The following ZNF430 variants were observed in gnomAD, a reference collection of about 807,000 sequenced individuals.
The protein encoded by ZNF430 is zinc finger protein 430.
Under a neutral mutation model 56.7 loss-of-function variants are expected in ZNF430, and 35 were observed. That is an observed-to-expected ratio of 0.62 (90% CI 0.47 to 0.82). ZNF430 has a LOEUF of 0.82. ZNF430 is among the 40% of genes least tolerant of loss of function. The pLI, the probability that ZNF430 is intolerant of heterozygous loss-of-function variation, is 0.00. For synonymous variants in ZNF430, 212 were observed against 224.3 expected, an observed-to-expected ratio of 0.94 and a Z score of 0.49; for missense variants, 574 against 661.0, an observed-to-expected ratio of 0.87 and a Z score of 1.44.
At chr19:21,032,860 A>G (rs1967928060) in intron 2 of ZNF430, among the ~76,000 whole-genome samples, 1 of 152,202 alleles carries the variant, frequency 6.6e-6, no homozygotes, top group African/African-American at 2.4e-5. Context: ...TTCGAACTCA[A>G]CATGTCTTTT....
rs1006046091 is a variant in ZNF430 at position 21,033,678 on chromosome 19, A to G, written c.223+96A>G. 5 of 1,348,626 alleles carry G rather than the reference A, an allele frequency of 3.7e-6. No individual in the cohort carries two copies. The African/African-American group carries it at 4.5e-5, about 12-fold the overall frequency. The allele number at this position is 1,348,626 out of a possible 1,614,324, so 83.5% of individuals were successfully genotyped here. A position where few individuals can be genotyped will look rare whatever the true frequency, so the allele number is the denominator to read the frequency against. On this transcript the variant is annotated intron_variant, in intron 3 of 4. Coordinates refer to ENST00000261560, the MANE Select transcript of ZNF430 (RefSeq NM_025189.4). The stretch of plus-strand genomic sequence containing the variant: ...TTTTGGTAATTTATGCTTTGCATAA[A>G]TGAGTTTCTGATACTTGTTCTTAAG...
rs749091077 is a variant in ZNF430 at position 21,056,921 on chromosome 19, T to C, written c.613T>C (p.Phe205Leu). Residue 205 changes from phenylalanine (F) to leucine (L), a missense_variant, in exon 5 of 5, where the codon TTC becomes CTC. Phe to Leu is a conservative substitution (Grantham distance 22). Around this residue, in one of 3 missense-constraint regions of ZNF430, gnomAD observed 346 missense variants for 399.1 expected, o/e 0.87. Transcript: ENST00000261560. ...GATAAGACATACTGGAAAGAAGCCT[T>C]TCAAATGTAAAAAATGTGACAAATC... ...QKIRHTGKKPFKCKKCDKSFC... is the reference protein window; with the variant it reads ...QKIRHTGKKPLKCKKCDKSFC... The C allele has an allele frequency of 6.2e-7, 1 of 1,613,056 alleles. No individual in the cohort carries two copies. The highest frequency in any genetic ancestry group is 2.2e-5 in the East Asian group (1 of 44,842).
intron 4 of ZNF430, among the ~76,000 whole-genome samples, chr19:21,054,386 T>A (rs8113541): frequency 0.69 from 103,632 of 150,930 alleles, 39,613 homozygotes; most frequent in East Asian, 0.87. Flanking sequence ...TTTTTTTTTT[T>A]ATTTAGCAGG....
intron 4 of ZNF430, among the ~76,000 whole-genome samples, chr19:21,046,783 A>G (rs1568590213): frequency 6.6e-6 from 1 of 152,074 alleles, no homozygotes; most frequent in South Asian, 2.1e-4. Context: ...CTGAATTTCA[A>G]TCTTGAAGAA....
intron 2 of ZNF430, among the ~76,000 whole-genome samples, chr19:21,023,094 A>G (rs1967726495): frequency 6.6e-6 from 1 of 152,210 alleles, no homozygotes; most frequent in African/African-American, 2.4e-5. Flanking sequence ...AAAAAATAGT[A>G]TCCCAAAAGA....
At chr19:21,053,283 C>G (rs866214600) in intron 4 of ZNF430, among the ~76,000 whole-genome samples, 2 of 152,104 alleles carry the variant, frequency 1.3e-5, no homozygotes, top group African/African-American at 4.8e-5. Context: ...ACTCAGTACA[C>G]TCTGCTTCTT....
intron 2 of ZNF430, among the ~76,000 whole-genome samples, chr19:21,032,742 G>A (rs1401859493): frequency 3.3e-5 from 5 of 151,726 alleles, no homozygotes; most frequent in African/African-American, 1.2e-4. Context: ...AAAAAAAAAA[G>A]AAGAAAGAAA....
chr19:21,057,171 C>G lies in ZNF430; in HGVS notation c.863C>G (p.Pro288Arg), dbSNP rs762165372. ...AAGATAATTCATACTGGAGAGAAAC[C>G]CTACAGATGTGAAGAATGTGGCAAA... The part of the protein sequence containing the change: ...THKIIHTGEK[P>R]YRCEECGKTF... Residue 288 changes from proline (P) to arginine (R), a missense_variant, in exon 5 of 5, where the codon CCC becomes CGC. Physicochemically the swap from Pro to Arg is moderately radical, Grantham distance 103 (BLOSUM62 -2). Coordinates refer to ENST00000261560, the MANE Select transcript of ZNF430 (RefSeq NM_025189.4). The G allele has an allele frequency of 6.2e-7, 1 of 1,613,738 alleles. No homozygotes were observed. Among genetic ancestry groups the G allele is most frequent in the East Asian group, 2.2e-5 (1 of 44,832 alleles).
chr19:21,054,997 T>C (rs146357758), intron 4 of ZNF430, among the ~76,000 whole-genome samples: 1 of 152,174 alleles, frequency 6.6e-6, no homozygotes, highest in African/African-American at 2.4e-5. Context: ...TCAGGATTTT[T>C]CAGTTAGTCT....
chr19:21,057,456 A>G lies in ZNF430; in HGVS notation c.1148A>G (p.Tyr383Cys). ...TGTGAAGAATGTGGCAAAGCTTTTTACCGATTCTCATACCTTACTAAACAT... is the reference window on the plus strand; with the variant it reads ...TGTGAAGAATGTGGCAAAGCTTTTTGCCGATTCTCATACCTTACTAAACAT... ...YKCEECGKAF[Y>C]RFSYLTKHKI... The change falls in exon 5 of 5, where the codon TAC becomes TGC. Residue 383 changes from tyrosine to cysteine, a missense_variant. Transcript: ENST00000261560. 6 of 1,613,804 alleles carry G rather than the reference A, an allele frequency of 3.7e-6. No individual in the cohort carries two copies. Among genetic ancestry groups the G allele is most frequent in the Non-Finnish European group, 5.1e-6 (6 of 1,179,966 alleles).
chr19:21,033,995 AATATTCTACCAC>A, intron 3 of ZNF430, 79 bp from the exon 4 acceptor site: 1 of 920,088 alleles, frequency 1.1e-6, no homozygotes, highest in Non-Finnish European at 1.6e-6. Context: ...AATTTTCTAG[AATATTCTACCAC>A]ATCCTCTTTA....
At chr19:21,049,930 C>CTT (rs796133254) in intron 4 of ZNF430, among the ~76,000 whole-genome samples, 6 of 70,282 alleles carry the variant, frequency 8.5e-5, no homozygotes, top group Non-Finnish European at 1.6e-4. Flanking sequence ...TTATTCTTCT[C>CTT]TTTTTTTTTT....
At chr19:21,055,442 T>TG (rs36124944) in intron 4 of ZNF430, among the ~76,000 whole-genome samples, 11,375 of 151,752 alleles carry the variant, frequency 0.075, 490 homozygotes, top group Non-Finnish European at 0.086. Flanking sequence ...TAGTTTTTTT[T>TG]TTTGTTTGTT....
chr19:21,042,547 G>C (rs565989961), intron 4 of ZNF430, among the ~76,000 whole-genome samples: 1 of 152,126 alleles, frequency 6.6e-6, no homozygotes, highest in Non-Finnish European at 1.5e-5. Context: ...CAGCACTTTG[G>C]GGGTGCCGAG....
At chr19:21,052,356 C>T (rs1968297367) in intron 4 of ZNF430, among the ~76,000 whole-genome samples, 1 of 152,124 alleles carries the variant, frequency 6.6e-6, no homozygotes, top group Non-Finnish European at 1.5e-5. Context: ...CCTTCAAGTC[C>T]TCTCTTTACT....
intron 4 of ZNF430, among the ~76,000 whole-genome samples, chr19:21,039,574 C>G (rs1968067466): frequency 6.6e-6 from 1 of 151,462 alleles, no homozygotes; most frequent in African/African-American, 2.4e-5. Flanking sequence ...TCAAGCAATA[C>G]TCCCGCCTCA....
At chr19:21,038,985 T>C (rs2144769084) in intron 4 of ZNF430, among the ~76,000 whole-genome samples, 1 of 152,330 alleles carries the variant, frequency 6.6e-6, no homozygotes, top group Non-Finnish European at 1.5e-5. Context: ...AGTCTCTCTC[T>C]GTCATCCAGG....
chr19:21,048,650 G>A lies in ZNF430; in HGVS notation c.323-7981G>A, dbSNP rs572188110. 2.2e-3 allele frequency among the ~76,000 whole-genome samples: 338 copies of A among 151,572 alleles called. 1 individual carries two copies. Among genetic ancestry groups the A allele is most frequent in the African/African-American group, 7.7e-3 (318 of 41,340 alleles). On this transcript the variant is annotated intron_variant, in intron 4 of 4. Coordinates refer to ENST00000261560, the MANE Select transcript of ZNF430 (RefSeq NM_025189.4). The stretch of plus-strand genomic sequence containing the variant: ...CCCCACATTCCCCCCTTTTCTATTC[G>A]ACAAAACCGCCATCGTCATCATGGC...
At chr19:21,050,804 G>T (rs1353508676) in intron 4 of ZNF430, among the ~76,000 whole-genome samples, 1 of 152,120 alleles carries the variant, frequency 6.6e-6, no homozygotes, top group African/African-American at 2.4e-5. Context: ...AAGGTGGGAG[G>T]ATTGCCCGAG....
Sources: gnomAD v4.1 joint callset for allele counts (sites outside exome capture counted in the v4.1 genomes callset) on GRCh38, gnomAD v4.1.1 for gene constraint, gnomAD v4.1.1 regional missense constraint, MANE v1.5 for transcripts, NCBI Gene and HGNC (gene_info 2026-07-23, HGNC 2026-07-21) for gene names.